ARL17B: variants seen among roughly 807,000 people sequenced by gnomAD.
ARL17B encodes the protein ADP-ribosylation factor-like protein 17.
chr17:46,317,102 G>C (rs1323933956), intron 3 of ARL17B, among the ~76,000 whole-genome samples: 1 of 85,914 alleles, frequency 1.2e-5, no homozygotes, highest in Non-Finnish European at 3.5e-5. Flanking sequence ...TTGTCATCAT[G>C]GCCCGTTCTC....
chr17:46,274,521 G>A (rs1206576612), downstream of ARL17B, among the ~76,000 whole-genome samples: 1 of 152,216 alleles, frequency 6.6e-6, no homozygotes, highest in Non-Finnish European at 1.5e-5. Flanking sequence ...GACATCTAGA[G>A]GTTGTCTTGT....
At chr17:46,289,555 G>A (rs1452426471) in intron 4 of ARL17B, among the ~76,000 whole-genome samples, 20 of 152,082 alleles carry the variant, frequency 1.3e-4, no homozygotes, top group Admixed American at 1.3e-3. Flanking sequence ...GGCTAGGCTG[G>A]TCTCGAACTC....
intron 4 of ARL17B, among the ~76,000 whole-genome samples, chr17:46,279,963 C>T (rs1490554968): frequency 6.6e-6 from 1 of 152,238 alleles, no homozygotes; most frequent in Non-Finnish European, 1.5e-5. Flanking sequence ...GGGAGTGCTC[C>T]ATTCTCCTGC....
At chr17:46,289,763 C>T (rs1335605321) in intron 4 of ARL17B, among the ~76,000 whole-genome samples, 3 of 152,178 alleles carry the variant, frequency 2.0e-5, no homozygotes, top group Non-Finnish European at 2.9e-5. Context: ...ACTTAGCCCA[C>T]GTTTCCTTTA....
intron 4 of ARL17B, among the ~76,000 whole-genome samples, chr17:46,279,702 C>T (rs1284024721): frequency 1.3e-5 from 2 of 151,996 alleles, no homozygotes; most frequent in South Asian, 4.1e-4. Flanking sequence ...CCTCATGTTG[C>T]CCGGGCTGGT....
intron 4 of ARL17B, among the ~76,000 whole-genome samples, chr17:46,278,334 AT>A (rs1204560750): frequency 1.3e-5 from 2 of 148,376 alleles, no homozygotes; most frequent in African/African-American, 5.0e-5. Context: ...TCACTTAACC[AT>A]TTTCCCACCT....
exon 5 of ARL17B, chr17:46,275,386 G>A: frequency 3.0e-6 from 3 of 999,452 alleles, no homozygotes; most frequent in South Asian, 2.6e-5. Flanking sequence ...TGAACTTTAG[G>A]AAGCTGTAGA....
chr17:46,281,522 T>C (rs988154278), intron 4 of ARL17B, among the ~76,000 whole-genome samples: 4 of 152,196 alleles, frequency 2.6e-5, no homozygotes, highest in African/African-American at 4.8e-5. Flanking sequence ...CTTGAACTCC[T>C]GGGCACAAGT....
exon 5 of ARL17B, chr17:46,275,250 T>A: frequency 4.2e-6 from 2 of 478,624 alleles, no homozygotes; most frequent in Non-Finnish European, 6.9e-6. Context: ...TGGACTGTTA[T>A]GACCAATAAA....
intron 4 of ARL17B, among the ~76,000 whole-genome samples, chr17:46,291,136 C>T (rs1470773484): frequency 2.6e-5 from 4 of 152,184 alleles, no homozygotes; most frequent in Admixed American, 1.3e-4. Context: ...AGAGACTGAA[C>T]TTCTTCTTTG....
chr17:46,326,885 A>G (rs1322090153), intron 3 of ARL17B, among the ~76,000 whole-genome samples: 3 of 60,006 alleles, frequency 5.0e-5, no homozygotes, highest in Non-Finnish European at 8.1e-5. Context: ...AGTGCCCCCA[A>G]TAAGCCACAA....
At chr17:46,284,040 C>T (rs559916293) in intron 4 of ARL17B, among the ~76,000 whole-genome samples, 7 of 152,278 alleles carry the variant, frequency 4.6e-5, no homozygotes, top group Admixed American at 6.5e-5. Context: ...AACATACAAT[C>T]GGGTTTTATA....
At chr17:46,291,712 C>G (rs2050072280) in intron 4 of ARL17B, among the ~76,000 whole-genome samples, 1 of 151,762 alleles carries the variant, frequency 6.6e-6, no homozygotes, top group Admixed American at 6.6e-5. Flanking sequence ...CTTGCTTGAG[C>G]CCGGGAGTTT....
At chr17:46,275,840 T>C (rs2458217) in intron 4 of ARL17B, among the ~76,000 whole-genome samples, 18,471 of 152,144 alleles carry the variant, frequency 0.12, no homozygotes, top group Non-Finnish European at 0.18. Context: ...TTTAAAATCA[T>C]ATTTTTCTAT....
chr17:46,290,624 T>G (rs1280637453), intron 4 of ARL17B, among the ~76,000 whole-genome samples: 1 of 152,162 alleles, frequency 6.6e-6, no homozygotes, highest in African/African-American at 2.4e-5. Context: ...TTTTTGCATT[T>G]TTAGTACAGA....
intron 4 of ARL17B, among the ~76,000 whole-genome samples, chr17:46,287,689 C>T (rs1169633168): frequency 1.2e-4 from 18 of 152,332 alleles, no homozygotes; most frequent in Middle Eastern, 3.4e-3. Context: ...GGCTAGTTAA[C>T]GGGTAGGGAA....
At chr17:46,277,654 T>C (rs1230211528) in intron 4 of ARL17B, among the ~76,000 whole-genome samples, 4 of 102,368 alleles carry the variant, frequency 3.9e-5, no homozygotes, top group Non-Finnish European at 1.0e-4. Context: ...TCTTTCTTTC[T>C]TTTTTTTTTT....
At chr17:46,275,431 GA>G in intron 4 of ARL17B, 4 of 917,292 alleles carry the variant, frequency 4.4e-6, no homozygotes, top group South Asian at 2.7e-5. Flanking sequence ...ACAGAGTATA[GA>G]AAAAGGGAAC....
intron 4 of ARL17B, among the ~76,000 whole-genome samples, chr17:46,278,642 T>C (rs1424984483): frequency 1.3e-5 from 2 of 152,078 alleles, no homozygotes; most frequent in Non-Finnish European, 2.9e-5. Flanking sequence ...GACCTCGTGA[T>C]ACACCCGCCT....
Sources: allele counts gnomAD v4.1 joint callset (sites outside exome capture counted in the v4.1 genomes callset), GRCh38; gene constraint gnomAD v4.1.1; transcripts MANE v1.5; gene names NCBI Gene and HGNC (gene_info 2026-07-23, HGNC 2026-07-21).